ATP8B1: variants seen among roughly 807,000 people sequenced by gnomAD.
ATP8B1 encodes the protein ATPase phospholipid transporting 8B1.
ATP8B1 carries 80 observed loss-of-function variants against 149.9 expected under a neutral mutation model. The observed-to-expected ratio is 0.53, with a 90% CI of 0.45 to 0.64. The LOEUF is 0.64. ATP8B1 is among the 30% of genes least tolerant of loss of function. The probability of loss-of-function intolerance (pLI) is 0.00; values close to 1 mark genes in which losing one functional copy is unlikely to be tolerated. For missense variants in ATP8B1, 1,247 were observed against 1,552.6 expected (o/e 0.80, Z 3.31); for synonymous variants, 536 against 562.8 (o/e 0.95, Z 0.67).
intron 2 of ATP8B1, among the ~76,000 whole-genome samples, chr18:57,713,198 TC>T (rs1389490382): frequency 0.042 from 2,816 of 67,112 alleles, 39 homozygotes; most frequent in Non-Finnish European, 0.045. Flanking sequence ...TTTCTTTCTT[TC>T]CTTCCTTCCT....
intron 1 of ATP8B1, among the ~76,000 whole-genome samples, chr18:57,752,259 G>A (rs1192049859): frequency 2.2e-5 from 3 of 137,138 alleles, no homozygotes; most frequent in Admixed American, 1.4e-4. Flanking sequence ...ATAATCTAAA[G>A]GTGCAAGATC....
chr18:57,690,832 C>T (rs975669357), intron 12 of ATP8B1, among the ~76,000 whole-genome samples: 6 of 152,062 alleles, frequency 3.9e-5, no homozygotes, highest in Non-Finnish European at 7.4e-5. Context: ...CTATCCCTCC[C>T]AAAAAGGTCT....
intron 1 of ATP8B1, among the ~76,000 whole-genome samples, chr18:57,736,524 A>C (rs368428): frequency 6.9e-6 from 1 of 145,804 alleles, no homozygotes; most frequent in Non-Finnish European, 1.5e-5. Context: ...GTAGTAGGAC[A>C]ATCATAGCTC....
Position 57,731,699 on chromosome 18 carries a change from C to T in ATP8B1, c.109G>A (p.Gly37Arg). 2 of 1,614,138 alleles carry T rather than the reference C, an allele frequency of 1.2e-6. No individual in the cohort carries two copies. The highest frequency in any genetic ancestry group is 1.7e-6 in the Non-Finnish European group (2 of 1,180,020). The part of the protein sequence containing the change: ...DETEDELDDQ[G>R]SAVEPEQNRV... ...TTTTGTTCTGGTTCAACAGCAGACC[C>T]CTGGTCATCAAGTTCATCTTCTGTT... Residue 37 changes from glycine to arginine, a missense_variant, in exon 2 of 28, where the codon GGG (glycine) becomes AGG (arginine). Physicochemically the swap from Gly to Arg is moderately radical, Grantham distance 125 (BLOSUM62 -2). Coordinates refer to ENST00000648908, the MANE Select transcript of ATP8B1 (RefSeq NM_001374385.1).
intron 26 of ATP8B1, among the ~76,000 whole-genome samples, chr18:57,651,719 A>G (rs1486928069): frequency 1.3e-5 from 2 of 151,978 alleles, no homozygotes; most frequent in Admixed American, 1.3e-4. Flanking sequence ...TGTAGCCTCA[A>G]CGTCCCAGGT....
At chr18:57,704,510 G>C (rs368398392) in intron 4 of ATP8B1, 45 bp downstream of exon 4, 1 of 1,250,864 alleles carries the variant, frequency 8.0e-7, no homozygotes, top group South Asian at 1.2e-5. Context: ...AAATGTTATC[G>C]AGTCACTATA....
intron 1 of ATP8B1, among the ~76,000 whole-genome samples, chr18:57,771,783 C>T (rs892478548): frequency 6.6e-6 from 1 of 152,080 alleles, no homozygotes; most frequent in African/African-American, 2.4e-5. Flanking sequence ...TGTCAAAGGG[C>T]ACACTTAGCA....
intron 1 of ATP8B1, among the ~76,000 whole-genome samples, chr18:57,775,005 T>A (rs1253243444): frequency 6.6e-6 from 1 of 152,030 alleles, no homozygotes; most frequent in Non-Finnish European, 1.5e-5. Context: ...ACAGAGGAGA[T>A]GAGAAAGAGA....
chr18:57,719,585 C>T (rs1044932765), intron 2 of ATP8B1, among the ~76,000 whole-genome samples: 8 of 152,194 alleles, frequency 5.3e-5, no homozygotes, highest in African/African-American at 1.9e-4. Context: ...GAGACTATAT[C>T]CCACACCTGG....
chr18:57,762,581 GTCTTAC>G (rs2080168332), intron 1 of ATP8B1, among the ~76,000 whole-genome samples: 1 of 152,192 alleles, frequency 6.6e-6, no homozygotes, highest in Non-Finnish European at 1.5e-5. Flanking sequence ...CTTGCATTAA[GTCTTAC>G]TCTCAAGAGT....
At chr18:57,679,456 A>G (rs1429923332) in intron 15 of ATP8B1, among the ~76,000 whole-genome samples, 3 of 152,116 alleles carry the variant, frequency 2.0e-5, no homozygotes, top group Non-Finnish European at 4.4e-5. Flanking sequence ...CTCTTTATTT[A>G]TGGCACATTT....
chr18:57,714,567 G>C (rs934593996), intron 2 of ATP8B1, among the ~76,000 whole-genome samples: 2 of 135,566 alleles, frequency 1.5e-5, no homozygotes, highest in African/African-American at 5.6e-5. Context: ...GGGAGAGAGA[G>C]AAGGAGAAAG....
chr18:57,760,757 G>A (rs1282616006), intron 1 of ATP8B1, among the ~76,000 whole-genome samples: 2 of 152,100 alleles, frequency 1.3e-5, no homozygotes, highest in Non-Finnish European at 2.9e-5. Flanking sequence ...TTGGGAGGCC[G>A]AGGTGGGTGG....
chr18:57,764,279 C>CTTCT (rs1302503493), intron 1 of ATP8B1, among the ~76,000 whole-genome samples: 1 of 150,598 alleles, frequency 6.6e-6, no homozygotes, highest in African/African-American at 2.5e-5. Flanking sequence ...TCCTTCCTTC[C>CTTCT]TTCTTTCTTT....
intron 1 of ATP8B1, among the ~76,000 whole-genome samples, chr18:57,791,346 C>CTTTTCTTTTTTTTTTTTTTTTTT (rs2080462456): frequency 8.0e-6 from 1 of 124,970 alleles, no homozygotes. Context: ...TTTTTCTTTT[C>CTTTTCTTTTTTTTTTTTTTTTTT]TTTTCTTTTT....
intron 1 of ATP8B1, among the ~76,000 whole-genome samples, chr18:57,793,387 A>G (rs1423560326): frequency 6.6e-6 from 1 of 151,962 alleles, no homozygotes; most frequent in Non-Finnish European, 1.5e-5. Flanking sequence ...CACCCTGGGA[A>G]AAGCTTCCAC....
chr18:57,699,687 C>G (rs1438389308), intron 6 of ATP8B1, among the ~76,000 whole-genome samples: 1 of 151,926 alleles, frequency 6.6e-6, no homozygotes, highest in African/African-American at 2.4e-5. Flanking sequence ...CGCCACTGCA[C>G]TCCAGCCTGG....
At chr18:57,765,830 G>A (rs1193972121) in intron 1 of ATP8B1, among the ~76,000 whole-genome samples, 3 of 151,606 alleles carry the variant, frequency 2.0e-5, no homozygotes, top group Admixed American at 6.6e-5. Context: ...AAATTAGCCG[G>A]GCATGGTGGC....
chr18:57,650,548 A>G (rs1568177822), intron 26 of ATP8B1, 51 bp from the exon 27 acceptor site: 4 of 1,595,476 alleles, frequency 2.5e-6, no homozygotes, highest in African/African-American at 2.7e-5. Flanking sequence ...TCCTAAGAAC[A>G]TAGTTAATAT....
Sources: gnomAD v4.1 joint callset for allele counts (sites outside exome capture counted in the v4.1 genomes callset) on GRCh38, gnomAD v4.1.1 for gene constraint, MANE v1.5 for transcripts, NCBI Gene and HGNC (gene_info 2026-07-23, HGNC 2026-07-21) for gene names.